Variants in MDGA2 observed in about 807,000 individuals in gnomAD.
MDGA2 encodes the protein MAM domain-containing glycosylphosphatidylinositol anchor protein 2.
A neutral mutation model predicts 117.8 loss-of-function variants in MDGA2; 40 were observed. The ratio of observed to expected loss-of-function variants is 0.34; its 90% CI spans 0.26 to 0.44. The LOEUF is 0.44. Among genes scored for constraint, MDGA2 ranks in the 20% least tolerant of loss-of-function variants. MDGA2 has a pLI of 1.00. For synonymous variants in MDGA2, 452 were observed against 439.0 expected, an observed-to-expected ratio of 1.03 and a Z score of -0.37; for missense variants, 1,123 against 1,250.6, an observed-to-expected ratio of 0.90 and a Z score of 1.54.
chr14:47,085,038 TA>T (rs1890847849), intron 6 of MDGA2, among the ~76,000 whole-genome samples: 3 of 151,778 alleles, frequency 2.0e-5, no homozygotes, highest in South Asian at 2.1e-4. Flanking sequence ...ACTTCAGAAA[TA>T]AAGTTCTAAA....
chr14:47,563,578 GT>G (rs56244321), intron 1 of MDGA2, among the ~76,000 whole-genome samples: 72 of 56,938 alleles, frequency 1.3e-3, no homozygotes, highest in African/African-American at 6.3e-3. Flanking sequence ...GCTTTTTTCT[GT>G]TTTTTTTTTT....
intron 7 of MDGA2, among the ~76,000 whole-genome samples, chr14:47,045,866 G>A (rs1889242734): frequency 6.6e-6 from 1 of 151,994 alleles, no homozygotes; most frequent in South Asian, 2.1e-4. Context: ...TTGGGAGGCT[G>A]AGGCAGGAGA....
chr14:46,977,934 A>C (rs1886528988), intron 8 of MDGA2, among the ~76,000 whole-genome samples: 1 of 151,960 alleles, frequency 6.6e-6, no homozygotes. Context: ...AGGGACTATA[A>C]AAATAAATTT....
intron 6 of MDGA2, among the ~76,000 whole-genome samples, chr14:47,085,638 G>C (rs929558428): frequency 1.4e-5 from 2 of 147,126 alleles, no homozygotes; most frequent in African/African-American, 5.0e-5. Context: ...TTTTTCCAGA[G>C]AGCTGGTTTA....
At chr14:47,100,124 C>T (rs1880218574) in intron 5 of MDGA2, among the ~76,000 whole-genome samples, 1 of 151,972 alleles carries the variant, frequency 6.6e-6, no homozygotes, top group Non-Finnish European at 1.5e-5. Context: ...TACATCTCTA[C>T]ATTTCAAATA....
At chr14:47,192,614 G>A (rs1885156449) in intron 3 of MDGA2, among the ~76,000 whole-genome samples, 1 of 151,794 alleles carries the variant, frequency 6.6e-6, no homozygotes, top group African/African-American at 2.4e-5. Context: ...GGGAGACCCT[G>A]TCTCAAAAAT....
chr14:47,602,085 C>T (rs2138881371), intron 1 of MDGA2, among the ~76,000 whole-genome samples: 1 of 152,242 alleles, frequency 6.6e-6, no homozygotes, highest in South Asian at 2.1e-4. Flanking sequence ...AAGAAAGCTC[C>T]TCTCGGGACT....
intron 2 of MDGA2, among the ~76,000 whole-genome samples, chr14:47,285,791 A>C (rs1307470764): frequency 6.6e-6 from 1 of 152,120 alleles, no homozygotes; most frequent in Non-Finnish European, 1.5e-5. Flanking sequence ...TAAATGCTTA[A>C]TTCTTAGAGG....
intron 1 of MDGA2, among the ~76,000 whole-genome samples, chr14:47,652,624 A>G (rs1268189215): frequency 6.6e-6 from 1 of 152,152 alleles, no homozygotes; most frequent in African/African-American, 2.4e-5. Flanking sequence ...TTTCAGGATT[A>G]TATAATTATT....
At chr14:47,101,829 C>A (rs542276314) in intron 5 of MDGA2, among the ~76,000 whole-genome samples, 1 of 152,068 alleles carries the variant, frequency 6.6e-6, no homozygotes, top group Non-Finnish European at 1.5e-5. Flanking sequence ...AAAAATAATA[C>A]TGAATTATGA....
chr14:47,631,621 A>C (rs1203109320), intron 1 of MDGA2, among the ~76,000 whole-genome samples: 1 of 151,984 alleles, frequency 6.6e-6, no homozygotes, highest in African/African-American at 2.4e-5. Flanking sequence ...TTCACACCAA[A>C]ATTACTTTTC....
chr14:47,538,669 AT>A (rs1193656178), intron 1 of MDGA2, among the ~76,000 whole-genome samples: 1 of 152,134 alleles, frequency 6.6e-6, no homozygotes, highest in Non-Finnish European at 1.5e-5. Flanking sequence ...GTCTTACCAC[AT>A]GATGTGATTG....
In MDGA2 at chr14:47,631,953, C is replaced by T. The variant is rs185027716; in HGVS notation, c.280+42564G>A. ...AAGTTTTTTTTTTTTTTAGCTCATC[C>T]GCTATTGTTAGTGTTAGTGTATTTT... On this transcript the variant is annotated intron_variant, in intron 1 of 16. Coordinates refer to ENST00000399232, the MANE Select transcript of MDGA2 (RefSeq NM_001113498.3). Among the ~76,000 whole-genome samples the T allele has an allele frequency of 1.0e-3, 156 of 150,886 alleles. 2 individuals are homozygous for T. Among genetic ancestry groups the T allele is most frequent in the Non-Finnish European group, 8.4e-4 (57 of 67,742 alleles).
chr14:47,101,130 TAGATAGAA>T (rs1880297165), intron 5 of MDGA2, among the ~76,000 whole-genome samples: 4 of 122,770 alleles, frequency 3.3e-5, no homozygotes, highest in African/African-American at 5.8e-5. Context: ...GATAGACAGA[TAGATAGAA>T]AGAAATTGGT....
At chr14:47,013,609 AAT>A (rs1265655271) in intron 8 of MDGA2, among the ~76,000 whole-genome samples, 1 of 151,280 alleles carries the variant, frequency 6.6e-6, no homozygotes, top group African/African-American at 2.4e-5. Flanking sequence ...CCAGGTTTTT[AAT>A]TTATTTTGCC....
At chr14:47,380,617 T>A (rs1241085013) in intron 1 of MDGA2, among the ~76,000 whole-genome samples, 1 of 151,782 alleles carries the variant, frequency 6.6e-6, no homozygotes, top group African/African-American at 2.4e-5. Flanking sequence ...CTAGAAGAAA[T>A]GGATAAATTC....
intron 8 of MDGA2, chr14:46,996,933 A>T (rs1887316389): frequency 5.1e-6 from 2 of 392,830 alleles, no homozygotes; most frequent in Non-Finnish European, 9.7e-6. Context: ...GCAGCAACCC[A>T]GGAATGGGTG....
chr14:47,076,135 C>T (rs989974690), intron 6 of MDGA2, among the ~76,000 whole-genome samples: 1 of 151,812 alleles, frequency 6.6e-6, no homozygotes, highest in African/African-American at 2.4e-5. Flanking sequence ...AGTGATGGTG[C>T]CTGATAAATA....
At position 47,025,497 on chromosome 14, in the gene MDGA2, T is replaced by C. The variant is rs1387886924; in HGVS notation, c.1819+9514A>G. ...CCAGAGTTCCCATCCCCAAATTATGTAGACTTTGTCTCCTTGTCTATGAGT... is the reference window on the plus strand; with the variant it reads ...CCAGAGTTCCCATCCCCAAATTATGCAGACTTTGTCTCCTTGTCTATGAGT... On this transcript the variant is annotated intron_variant, in intron 8 of 16. Coordinates refer to ENST00000399232, the MANE Select transcript of MDGA2 (RefSeq NM_001113498.3). Among the ~76,000 whole-genome samples, 3 of 152,126 alleles carry C rather than the reference T, an allele frequency of 2.0e-5. No homozygotes were observed. In the East Asian group the frequency reaches 5.8e-4, roughly 29 times the overall value.
Sources: gnomAD v4.1 joint callset for allele counts (sites outside exome capture counted in the v4.1 genomes callset) on GRCh38, gnomAD v4.1.1 for gene constraint, MANE v1.5 for transcripts, NCBI Gene and HGNC (gene_info 2026-07-23, HGNC 2026-07-21) for gene names.